The following KANK1 variants were observed in gnomAD, a reference collection of about 807,000 sequenced individuals.
KANK1 encodes the protein KN motif and ankyrin repeat domains 1.
In KANK1, 109 loss-of-function variants were observed where a neutral mutation model predicts 106.2. The ratio of observed to expected loss-of-function variants is 1.03; its 90% CI spans 0.88 to 1.20. The LOEUF is 1.20. Among genes scored for constraint, KANK1 ranks in the 50% most tolerant of loss-of-function variants. The pLI is 0.00. For missense variants in KANK1, 2,399 were observed against 1,710.7 expected (o/e 1.40, Z -7.10); for synonymous variants, 873 against 652.2 (o/e 1.34, Z -5.16).
intron 1 of KANK1, among the ~76,000 whole-genome samples, chr9:618,158 A>G (rs775063056): frequency 1.3e-5 from 2 of 152,212 alleles, no homozygotes; most frequent in Non-Finnish European, 2.9e-5. Flanking sequence ...ATGTAATATA[A>G]AATTATGGCA....
chr9:557,902 G>A (rs921747137), intron 1 of KANK1, among the ~76,000 whole-genome samples: 3 of 152,170 alleles, frequency 2.0e-5, no homozygotes, highest in African/African-American at 4.8e-5. Flanking sequence ...CGACTTGGGC[G>A]GCTGAGGTAG....
rs767654835 is a variant in KANK1 at position 711,233 on chromosome 9, A to T, written c.467A>T (p.Lys156Met). ...CCAAAGCATAACCTTCATGTCACCAAGACACTGATGGAGACCCGGAGAAGA... is the reference window on the plus strand; with the variant it reads ...CCAAAGCATAACCTTCATGTCACCATGACACTGATGGAGACCCGGAGAAGA... ...QLPKHNLHVT[K>M]TLMETRRRLE... The change falls in exon 3 of 12, where the codon AAG becomes ATG. Residue 156 changes from lysine (K) to methionine (M), a missense_variant. Lys to Met is a moderately conservative substitution (Grantham distance 95). Coordinates refer to ENST00000382297, the MANE Select transcript of KANK1 (RefSeq NM_015158.5). The T allele has an allele frequency of 6.2e-7, 1 of 1,614,014 alleles. No individual in the cohort carries two copies. The highest frequency in any genetic ancestry group is 1.3e-5 in the African/African-American group (1 of 74,898).
intron 8 of KANK1, among the ~76,000 whole-genome samples, chr9:740,301 C>G (rs532362140): frequency 6.6e-6 from 1 of 152,164 alleles, no homozygotes; most frequent in Non-Finnish European, 1.5e-5. Context: ...TCAGGACCCC[C>G]GACAGGCCAG....
At chr9:613,685 T>C (rs781390750) in intron 1 of KANK1, among the ~76,000 whole-genome samples, 4 of 152,150 alleles carry the variant, frequency 2.6e-5, no homozygotes, top group Non-Finnish European at 5.9e-5. Context: ...TTTTTCCTCT[T>C]CTCAATGTAA....
chr9:534,421 GTGA>G (rs1172842435), intron 1 of KANK1, among the ~76,000 whole-genome samples: 1 of 152,094 alleles, frequency 6.6e-6, no homozygotes, highest in Non-Finnish European at 1.5e-5. Context: ...AATGTAAGAT[GTGA>G]TATCTTTTCA....
At chr9:598,549 C>G (rs1338889575) in intron 1 of KANK1, among the ~76,000 whole-genome samples, 1 of 149,650 alleles carries the variant, frequency 6.7e-6, no homozygotes, top group Non-Finnish European at 1.5e-5. Flanking sequence ...CTTGTAATTT[C>G]CAGTGTGTAA....
At position 548,449 on chromosome 9, in the gene KANK1, C is replaced by A. The variant is rs112087209; in HGVS notation, c.-84+43695C>A. ...TTTGGCTTTTAAACTCTCAGCAGCA[C>A]GTACAGATGCCCTCACATGCTTTCT... is the stretch of plus-strand genomic sequence containing the variant. On this transcript the variant is annotated intron_variant, in intron 1 of 11. Coordinates refer to ENST00000382297, the MANE Select transcript of KANK1 (RefSeq NM_015158.5). 3.5e-4 allele frequency among the ~76,000 whole-genome samples: 53 copies of A among 152,228 alleles called. 1 individual carries two copies. Among genetic ancestry groups the A allele is most frequent in the Middle Eastern group, 3.4e-3 (1 of 294 alleles).
chr9:507,472 C>T (rs1232946918), intron 1 of KANK1, among the ~76,000 whole-genome samples: 2 of 152,118 alleles, frequency 1.3e-5, no homozygotes, highest in Admixed American at 6.5e-5. Context: ...TCACTGCAAC[C>T]TCCGCCTCCC....
intron 1 of KANK1, among the ~76,000 whole-genome samples, chr9:627,984 G>T (rs1025999501): frequency 6.6e-6 from 1 of 152,132 alleles, no homozygotes; most frequent in Admixed American, 6.5e-5. Flanking sequence ...TCTGACTAAA[G>T]GAGCATTCAG....
At chr9:609,536 G>A (rs1830099812) in intron 1 of KANK1, among the ~76,000 whole-genome samples, 1 of 152,120 alleles carries the variant, frequency 6.6e-6, no homozygotes, top group African/African-American at 2.4e-5. Context: ...GGCTGAGACA[G>A]GAGAATCATT....
At chr9:481,326 G>C (rs374078634) in intron 3 of KANK1, among the ~76,000 whole-genome samples, 2 of 152,230 alleles carry the variant, frequency 1.3e-5, no homozygotes, top group East Asian at 3.9e-4. Context: ...AAATAGACTG[G>C]TCTGGCCAAA....
chr9:684,208 A>G, intron 2 of KANK1: 1 of 985,408 alleles, frequency 1.0e-6, no homozygotes, highest in Non-Finnish European at 1.2e-6. Flanking sequence ...ATAATGGCTT[A>G]AGCATCAGAT....
At chr9:634,033 T>C (rs1777613296) in intron 1 of KANK1, among the ~76,000 whole-genome samples, 1 of 152,218 alleles carries the variant, frequency 6.6e-6, no homozygotes, top group Non-Finnish European at 1.5e-5. Context: ...TTTTCATAAG[T>C]TCAGAAATGA....
chr9:610,275 A>C (rs1446238808), intron 1 of KANK1, among the ~76,000 whole-genome samples: 1 of 152,210 alleles, frequency 6.6e-6, no homozygotes, highest in African/African-American at 2.4e-5. Flanking sequence ...AATAAATTAG[A>C]ATATTAGAAG....
At chr9:686,734 TTACCTA>T (rs1449586831) in intron 2 of KANK1, 2 of 982,564 alleles carry the variant, frequency 2.0e-6, no homozygotes. Context: ...GCAATGATTG[TTACCTA>T]TGAGCCTATC....
chr9:635,760 A>G lies in KANK1; in HGVS notation c.-83-41130A>G, dbSNP rs545940161. Reference sequence around the variant, plus strand: ...GTTGCCCAGGCTGGAGTGCAGTGGCACGATCTCAGCTCACTGCAACCTCTG... The same window carrying G: ...GTTGCCCAGGCTGGAGTGCAGTGGCGCGATCTCAGCTCACTGCAACCTCTG... On this transcript the variant is annotated intron_variant, in intron 1 of 11. Coordinates refer to ENST00000382297, the MANE Select transcript of KANK1 (RefSeq NM_015158.5). 3.2e-5 allele frequency among the ~76,000 whole-genome samples: 4 copies of G among 126,336 alleles called. No homozygotes were observed. In the South Asian group the frequency reaches 7.2e-4, roughly 23 times the overall value. The allele number at this position is 126,336 out of a possible 152,430, so 82.9% of individuals were successfully genotyped here. A position where few individuals can be genotyped will look rare whatever the true frequency, so the allele number is the denominator to read the frequency against.
intron 2 of KANK1, among the ~76,000 whole-genome samples, chr9:703,246 C>G (rs1184590668): frequency 6.6e-6 from 1 of 152,124 alleles, no homozygotes; most frequent in Non-Finnish European, 1.5e-5. Flanking sequence ...CCCACCCTGG[C>G]CTCCCAAAGT....
intron 2 of KANK1, among the ~76,000 whole-genome samples, chr9:696,177 G>C (rs1042900850): frequency 3.3e-5 from 5 of 151,854 alleles, no homozygotes; most frequent in African/African-American, 9.7e-5. Flanking sequence ...CCAGCTACTC[G>C]GGAGGCTGAG....
At chr9:540,622 A>AT (rs1360492217) in intron 1 of KANK1, 2 of 152,172 alleles carry the variant, frequency 1.3e-5, no homozygotes. Flanking sequence ...ATTTGATGAA[A>AT]TTCACCAGTG....
Sources: allele counts gnomAD v4.1 joint callset (sites outside exome capture counted in the v4.1 genomes callset), GRCh38; gene constraint gnomAD v4.1.1; transcripts MANE v1.5; gene names NCBI Gene and HGNC (gene_info 2026-07-23, HGNC 2026-07-21).